Variants in EXT1 observed in about 807,000 individuals in gnomAD.
The protein encoded by EXT1 is exostosin-1.
Under a neutral mutation model 82.5 loss-of-function variants are expected in EXT1, and 20 were observed. That is an observed-to-expected ratio of 0.24 (90% CI 0.17 to 0.35). The LOEUF is 0.35. Among genes scored for constraint, EXT1 ranks in the 10% least tolerant of loss-of-function variants. EXT1 has a pLI of 1.00. For missense variants in EXT1, 757 were observed against 936.5 expected, an observed-to-expected ratio of 0.81 and a Z score of 2.50; for synonymous variants, 348 against 350.8, an observed-to-expected ratio of 0.99 and a Z score of 0.09.
intron 1 of EXT1, among the ~76,000 whole-genome samples, chr8:117,998,269 C>T (rs529402742): frequency 6.6e-6 from 1 of 152,204 alleles, no homozygotes; most frequent in Non-Finnish European, 1.5e-5. Context: ...GTCTCAGCCT[C>T]CCAAATTGCT....
At chr8:117,996,363 A>G (rs1313604061) in intron 1 of EXT1, among the ~76,000 whole-genome samples, 2 of 152,216 alleles carry the variant, frequency 1.3e-5, no homozygotes, top group African/African-American at 4.8e-5. Context: ...AAAAACTTCA[A>G]TTCTATAATG....
intron 1 of EXT1, among the ~76,000 whole-genome samples, chr8:117,844,986 G>A (rs1812330187): frequency 6.6e-6 from 1 of 152,332 alleles, no homozygotes; most frequent in East Asian, 1.9e-4. Context: ...ACGCTCCTCA[G>A]TCTGAGGCTG....
chr8:118,046,434 CA>C (rs967602050), intron 1 of EXT1, among the ~76,000 whole-genome samples: 3 of 152,044 alleles, frequency 2.0e-5, no homozygotes, highest in African/African-American at 7.2e-5. Flanking sequence ...TGTCTCTCAT[CA>C]AAAAATTTGG....
At chr8:117,864,582 T>C (rs1487904539) in intron 1 of EXT1, among the ~76,000 whole-genome samples, 1 of 152,100 alleles carries the variant, frequency 6.6e-6, no homozygotes, top group Non-Finnish European at 1.5e-5. Flanking sequence ...ACCCCGTCTC[T>C]ACTAAAAATA....
chr8:118,014,065 G>A (rs1227025072), intron 1 of EXT1, among the ~76,000 whole-genome samples: 1 of 152,158 alleles, frequency 6.6e-6, no homozygotes. Flanking sequence ...ACAGGGCTGT[G>A]CTATAGGTTA....
At chr8:117,877,640 T>C (rs1302066473) in intron 1 of EXT1, among the ~76,000 whole-genome samples, 1 of 152,168 alleles carries the variant, frequency 6.6e-6, no homozygotes, top group Non-Finnish European at 1.5e-5. Flanking sequence ...AACCTAACGA[T>C]GACAAAGCAG....
At chr8:117,860,079 G>A (rs577898993) in intron 1 of EXT1, among the ~76,000 whole-genome samples, 16 of 148,264 alleles carry the variant, frequency 1.1e-4, no homozygotes, top group South Asian at 8.6e-4. Context: ...CCTGGGAGGC[G>A]GAGGTTGCAG....
At chr8:117,987,987 C>T (rs1815355340) in intron 1 of EXT1, among the ~76,000 whole-genome samples, 1 of 152,164 alleles carries the variant, frequency 6.6e-6, no homozygotes, top group African/African-American at 2.4e-5. Context: ...ACTCAGGAGA[C>T]TGAAGTGGGA....
intron 1 of EXT1, among the ~76,000 whole-genome samples, chr8:118,030,195 T>C (rs1363649425): frequency 6.6e-6 from 1 of 151,604 alleles, no homozygotes; most frequent in African/African-American, 2.4e-5. Context: ...AGAGAGGTGA[T>C]TTTGTGAGAA....
chr8:118,096,418 C>G (rs1245841844), intron 1 of EXT1, among the ~76,000 whole-genome samples: 1 of 151,918 alleles, frequency 6.6e-6, no homozygotes. Flanking sequence ...GTCGGGAGAT[C>G]GAGACCATGC....
At chr8:118,001,850 TG>T (rs1815673917) in intron 1 of EXT1, among the ~76,000 whole-genome samples, 1 of 152,202 alleles carries the variant, frequency 6.6e-6, no homozygotes, top group Non-Finnish European at 1.5e-5. Context: ...GAAGTGCATT[TG>T]GGGCTACACT....
chr8:117,906,678 A>G (rs1021439773), intron 1 of EXT1, among the ~76,000 whole-genome samples: 1 of 152,202 alleles, frequency 6.6e-6, no homozygotes, highest in African/African-American at 2.4e-5. Flanking sequence ...AGTATACTCA[A>G]AACCGAAAGA....
At chr8:117,820,632 G>C (rs1011323263) in intron 5 of EXT1, among the ~76,000 whole-genome samples, 1 of 151,744 alleles carries the variant, frequency 6.6e-6, no homozygotes, top group African/African-American at 2.4e-5. Flanking sequence ...AGGTTGCAGT[G>C]AGCCAAGATG....
intron 1 of EXT1, among the ~76,000 whole-genome samples, chr8:118,016,711 T>A (rs573446857): frequency 2.0e-5 from 3 of 152,314 alleles, no homozygotes; most frequent in African/African-American, 7.2e-5. Flanking sequence ...TCTAGCAGAA[T>A]GAACAAGAAG....
At chr8:118,082,527 C>T (rs1310849794) in intron 1 of EXT1, among the ~76,000 whole-genome samples, 2 of 152,044 alleles carry the variant, frequency 1.3e-5, no homozygotes, top group Non-Finnish European at 2.9e-5. Context: ...AATAAACCTC[C>T]CCCAAAATAA....
chr8:118,052,450 C>T (rs1412455676), intron 1 of EXT1, among the ~76,000 whole-genome samples: 1 of 152,022 alleles, frequency 6.6e-6, no homozygotes, highest in Non-Finnish European at 1.5e-5. Flanking sequence ...TTTCTCATTC[C>T]AGTCCTAACA....
At chr8:117,929,748 G>A (rs1286822808) in intron 1 of EXT1, among the ~76,000 whole-genome samples, 1 of 152,166 alleles carries the variant, frequency 6.6e-6, no homozygotes, top group Non-Finnish European at 1.5e-5. Context: ...CTCTCAGCAT[G>A]GATATCTATC....
At chr8:117,846,275 T>G (rs541700392) in intron 1 of EXT1, among the ~76,000 whole-genome samples, 1 of 152,086 alleles carries the variant, frequency 6.6e-6, no homozygotes, top group East Asian at 1.9e-4. Context: ...GCTCAGTTAA[T>G]TTTTGTATTT....
intron 1 of EXT1, among the ~76,000 whole-genome samples, chr8:117,920,398 G>A (rs1813833660): frequency 6.6e-6 from 1 of 152,080 alleles, no homozygotes; most frequent in African/African-American, 2.4e-5. Context: ...CACCGCACCT[G>A]GCCCAATTTT....
Sources: gnomAD v4.1 joint callset for allele counts (sites outside exome capture counted in the v4.1 genomes callset) on GRCh38, gnomAD v4.1.1 for gene constraint, MANE v1.5 for transcripts, NCBI Gene and HGNC (gene_info 2026-07-23, HGNC 2026-07-21) for gene names.